ZFP1: variants seen among roughly 807,000 people sequenced by gnomAD.
The protein encoded by ZFP1 is ZFP1 zinc finger protein, also known as zinc finger protein 1 homolog.
In ZFP1, 32 loss-of-function variants were observed where a neutral mutation model predicts 38.5. The observed-to-expected ratio is 0.83, with a 90% CI of 0.63 to 1.12. The LOEUF is 1.12. Ranked by LOEUF, ZFP1 falls within the 50% of genes most tolerant of loss-of-function variation. The pLI, the probability that ZFP1 is intolerant of heterozygous loss-of-function variation, is 0.00. For missense variants in ZFP1, 616 were observed against 480.8 expected, an observed-to-expected ratio of 1.28 and a Z score of -2.63; for synonymous variants, 245 against 168.8, an observed-to-expected ratio of 1.45 and a Z score of -3.50.
chr16:75,139,228 G>C, the ZFP1 span, among the ~76,000 whole-genome samples: 4 of 151,904 alleles, frequency 2.6e-5, no homozygotes, highest in Admixed American at 6.6e-5. Context: ...AATTAGCCAG[G>C]TGTGGTGGCG....
At chr16:75,135,213 A>AAAAAAAAAAAAAAC in the ZFP1 span, among the ~76,000 whole-genome samples, 2 of 38,668 alleles carry the variant, frequency 5.2e-5, 1 homozygote, top group African/African-American at 2.0e-4. Flanking sequence ...TTATCTCAAA[A>AAAAAAAAAAAAAAC]AAAAAAAAAA....
the ZFP1 span, among the ~76,000 whole-genome samples, chr16:75,127,261 T>C: frequency 1.3e-5 from 2 of 152,134 alleles, no homozygotes; most frequent in Non-Finnish European, 2.9e-5. Flanking sequence ...TGCTCTTTTT[T>C]TGGGCAGGGA....
intron 2 of ZFP1, among the ~76,000 whole-genome samples, chr16:75,165,960 T>G (rs557595141): frequency 6.6e-6 from 1 of 152,330 alleles, no homozygotes; most frequent in African/African-American, 2.4e-5. Context: ...TGACTAATCA[T>G]TTCTTCAGCC....
the ZFP1 span, among the ~76,000 whole-genome samples, chr16:75,140,207 G>C: frequency 1.3e-5 from 2 of 152,070 alleles, no homozygotes; most frequent in East Asian, 3.9e-4. Context: ...GGTAGACGTT[G>C]CGGTGAGCTG....
At chr16:75,167,605 A>G (rs1447521873) in intron 3 of ZFP1, among the ~76,000 whole-genome samples, 2 of 152,016 alleles carry the variant, frequency 1.3e-5, no homozygotes, top group Non-Finnish European at 2.9e-5. Context: ...TCTTTTTGGT[A>G]GAATCTTTTT....
At chr16:75,154,824 G>A (rs1490308634) in intron 2 of ZFP1, among the ~76,000 whole-genome samples, 1 of 151,936 alleles carries the variant, frequency 6.6e-6, no homozygotes. Flanking sequence ...TTGAGATGGA[G>A]TCTTGCTCTG....
chr16:75,161,728 A>T (rs1355765648), intron 2 of ZFP1, among the ~76,000 whole-genome samples: 11 of 122,332 alleles, frequency 9.0e-5, no homozygotes, highest in Non-Finnish European at 1.6e-5. Context: ...ATTTCACAGA[A>T]ATACAAATAA....
upstream of ZFP1, chr16:75,148,375 G>A (rs2036985528): frequency 6.6e-6 from 1 of 152,272 alleles, no homozygotes. Context: ...ACAAGGCGAA[G>A]ACTTTCCTGA....
At chr16:75,131,578 C>T in the ZFP1 span, among the ~76,000 whole-genome samples, 2 of 152,088 alleles carry the variant, frequency 1.3e-5, no homozygotes, top group Non-Finnish European at 2.9e-5. Flanking sequence ...TACACACTCC[C>T]CTCTCATCCT....
At chr16:75,132,376 CA>C in the ZFP1 span, 214 of 138,398 alleles carry the variant, frequency 1.5e-3, no homozygotes, top group Middle Eastern at 3.5e-3. Context: ...GACCCTGTCT[CA>C]AAAAAAAAAA....
intron 2 of ZFP1, among the ~76,000 whole-genome samples, chr16:75,154,573 G>GT (rs33986637): frequency 0.023 from 2,578 of 111,192 alleles, 39 homozygotes; most frequent in South Asian, 0.046. Context: ...ATGAATGAGA[G>GT]TTTTTTTTTT....
the ZFP1 span, among the ~76,000 whole-genome samples, chr16:75,119,850 C>G: frequency 4.6e-5 from 7 of 151,880 alleles, no homozygotes; most frequent in African/African-American, 1.5e-4. Context: ...TAAATTCACA[C>G]ACACACACAT....
chr16:75,129,219 A>G, the ZFP1 span, among the ~76,000 whole-genome samples: 23 of 152,228 alleles, frequency 1.5e-4, no homozygotes, highest in Admixed American at 4.6e-4. Context: ...AGAGGACGTG[A>G]GACTTCACAA....
At chr16:75,148,145 A>C (rs892310623), upstream of ZFP1, among the ~76,000 whole-genome samples, 1 of 152,252 alleles carries the variant, frequency 6.6e-6, no homozygotes, top group Non-Finnish European at 1.5e-5. Flanking sequence ...TGCGAACTTA[A>C]TGTTATACGC....
chr16:75,146,138 C>T (rs1476130023), upstream of ZFP1, among the ~76,000 whole-genome samples: 1 of 151,896 alleles, frequency 6.6e-6, no homozygotes, highest in Non-Finnish European at 1.5e-5. Flanking sequence ...CATACTGTTA[C>T]CACACAATCC....
At position 75,170,349 on chromosome 16, in the gene ZFP1, C is replaced by CT; in HGVS notation, c.*17dup. 1 of 1,548,992 alleles carries CT rather than the reference C, an allele frequency of 6.5e-7. No individual in the cohort carries two copies. Among genetic ancestry groups the CT allele is most frequent in the Non-Finnish European group, 8.7e-7 (1 of 1,148,490 alleles). ...AGAAACCCTGAAACTCCAGCCAGGTCTTACTGTGGAAAACTCCTGCCAGAA... is the reference window on the plus strand; with the variant it reads ...AGAAACCCTGAAACTCCAGCCAGGTCTTTACTGTGGAAAACTCCTGCCAGAA... On this transcript the variant is annotated 3_prime_UTR_variant, in exon 4 of 4. Coordinates refer to ENST00000570010, the MANE Select transcript of ZFP1 (RefSeq NM_153688.4).
the ZFP1 span, among the ~76,000 whole-genome samples, chr16:75,139,755 C>T: frequency 4.6e-3 from 692 of 152,084 alleles, 7 homozygotes; most frequent in African/African-American, 0.016. Context: ...ATTCATAGAA[C>T]CAGGAAGAAG....
chr16:75,165,136 A>G (rs904390724), intron 2 of ZFP1, among the ~76,000 whole-genome samples: 1 of 151,904 alleles, frequency 6.6e-6, no homozygotes, highest in African/African-American at 2.4e-5. Flanking sequence ...GAACACAGCC[A>G]TGCCTATTTG....
chr16:75,158,298 C>T (rs1431104763), intron 2 of ZFP1, among the ~76,000 whole-genome samples: 2 of 151,482 alleles, frequency 1.3e-5, no homozygotes, highest in Non-Finnish European at 2.9e-5. Flanking sequence ...CAGCTCACTG[C>T]AGCCTCAAGT....
Sources: allele counts gnomAD v4.1 joint callset (sites outside exome capture counted in the v4.1 genomes callset), GRCh38; gene constraint gnomAD v4.1.1; transcripts MANE v1.5; gene names NCBI Gene and HGNC (gene_info 2026-07-23, HGNC 2026-07-21).